The following RASAL2 variants were observed in gnomAD, a reference collection of about 807,000 sequenced individuals.
RASAL2 encodes the protein ras GTPase-activating protein nGAP.
Under a neutral mutation model 128.9 loss-of-function variants are expected in RASAL2, and 58 were observed. That is an observed-to-expected ratio of 0.45 (90% CI 0.36 to 0.56). RASAL2 has a LOEUF of 0.56. RASAL2 is among the 20% of genes least tolerant of loss of function. The pLI is 0.00. For synonymous variants in RASAL2, 561 were observed against 580.8 expected (o/e 0.97, Z 0.49); for missense variants, 1,360 against 1,601.6 (o/e 0.85, Z 2.57).
At chr1:178,431,667 C>T (rs761229847) in intron 5 of RASAL2, among the ~76,000 whole-genome samples, 2 of 151,784 alleles carry the variant, frequency 1.3e-5, no homozygotes, top group East Asian at 3.9e-4. Context: ...AAAAAGGAAA[C>T]TTAGATGGTC....
chr1:178,452,213 G>A (rs1010717967), intron 10 of RASAL2, among the ~76,000 whole-genome samples: 4 of 152,054 alleles, frequency 2.6e-5, no homozygotes, highest in Non-Finnish European at 5.9e-5. Flanking sequence ...CTGTAGCCTT[G>A]GGTTTCCAGT....
At chr1:178,171,045 T>C (rs1369977496) in intron 1 of RASAL2, among the ~76,000 whole-genome samples, 1 of 151,958 alleles carries the variant, frequency 6.6e-6, no homozygotes, top group Non-Finnish European at 1.5e-5. Flanking sequence ...CTTAAGTTAA[T>C]TAATAATTAT....
chr1:178,104,695 A>G (rs990182173), intron 1 of RASAL2, among the ~76,000 whole-genome samples: 1 of 152,182 alleles, frequency 6.6e-6, no homozygotes, highest in Non-Finnish European at 1.5e-5. Flanking sequence ...TTTTACATAA[A>G]TTTTATATAA....
At chr1:178,369,033 A>G (rs541893288) in intron 3 of RASAL2, among the ~76,000 whole-genome samples, 3 of 152,244 alleles carry the variant, frequency 2.0e-5, no homozygotes, top group South Asian at 2.1e-4. Flanking sequence ...GTAAGTTTCA[A>G]TGTTTTATTT....
rs76052350 is a variant in RASAL2, at chr1:178,205,752, G to A, written c.203-77812G>A. Reference sequence around the variant, plus strand: ...AGCCTGGGCGACAGAGCGAGACTCCGTCTAACAAAAAAAAAAGACTCATGT... The same window carrying A: ...AGCCTGGGCGACAGAGCGAGACTCCATCTAACAAAAAAAAAAGACTCATGT... On this transcript the variant is annotated intron_variant, in intron 1 of 17. Transcript: ENST00000367649. Among the ~76,000 whole-genome samples the A allele has an allele frequency of 5.6e-3, 846 of 151,710 alleles. 11 individuals are homozygous for A. Among genetic ancestry groups the A allele is most frequent in the African/African-American group, 0.019 (789 of 41,366 alleles).
intron 17 of RASAL2, among the ~76,000 whole-genome samples, chr1:178,468,354 C>G (rs760043868): frequency 6.6e-6 from 1 of 152,138 alleles, no homozygotes; most frequent in Non-Finnish European, 1.5e-5. Context: ...AAAATGAGAG[C>G]AAGGATTTTA....
chr1:178,353,554 C>T (rs1557923777), intron 3 of RASAL2, among the ~76,000 whole-genome samples: 1 of 152,162 alleles, frequency 6.6e-6, no homozygotes, highest in Non-Finnish European at 1.5e-5. Flanking sequence ...CAAATTTTCC[C>T]TCATCTTCCT....
At chr1:178,294,225 C>T (rs1357433294) in intron 2 of RASAL2, among the ~76,000 whole-genome samples, 1 of 152,106 alleles carries the variant, frequency 6.6e-6, no homozygotes, top group Non-Finnish European at 1.5e-5. Context: ...AAGGCTTATG[C>T]AGAAGCCCTG....
rs1553250958 is a variant in RASAL2 at position 178,110,637 on chromosome 1, C to CATATATATATATATATATATATAT, written c.202+15959_202+15960insATATATATATATATATATATATAT. Among the ~76,000 whole-genome samples, 10 of 15,640 alleles carry CATATATATATATATATATATATAT rather than the reference C, an allele frequency of 6.4e-4. No individual in the cohort carries two copies. In the South Asian group the frequency reaches 8.7e-3, roughly 14 times the overall value. 10.3% of individuals were successfully genotyped at this position (15,640 alleles called of 152,430 possible). Reference sequence around the variant, plus strand: ...CTATATACACTATATATAGTGTATACATATATATATATATATGTATGTATA... The same window carrying CATATATATATATATATATATATAT: ...CTATATACACTATATATAGTGTATACATATATATATATATATATATATATATATATATATATATATGTATGTATA... On this transcript the variant is annotated intron_variant, in intron 1 of 17. Transcript: ENST00000367649.
At chr1:178,320,048 C>T (rs1223585888) in intron 3 of RASAL2, among the ~76,000 whole-genome samples, 12 of 151,970 alleles carry the variant, frequency 7.9e-5, no homozygotes, top group African/African-American at 2.4e-4. Context: ...TTGGAATACC[C>T]TGCCATGTGA....
chr1:178,282,744 A>T (rs1179683988), intron 1 of RASAL2, among the ~76,000 whole-genome samples: 2 of 152,186 alleles, frequency 1.3e-5, no homozygotes, highest in African/African-American at 4.8e-5. Context: ...TTAGTTCCTC[A>T]TGCCTGAAGA....
chr1:178,149,656 T>C (rs1486245498), intron 1 of RASAL2, among the ~76,000 whole-genome samples: 1 of 152,072 alleles, frequency 6.6e-6, no homozygotes, highest in African/African-American at 2.4e-5. Flanking sequence ...TATTCTTTCT[T>C]CTTTGTATGA....
At chr1:178,324,848 A>G (rs1668960562) in intron 3 of RASAL2, among the ~76,000 whole-genome samples, 2 of 152,112 alleles carry the variant, frequency 1.3e-5, no homozygotes, top group South Asian at 2.1e-4. Flanking sequence ...GTTTAATTTT[A>G]TGTGCGAAAC....
At chr1:178,438,964 T>G (rs1676447994) in intron 5 of RASAL2, among the ~76,000 whole-genome samples, 1 of 146,528 alleles carries the variant, frequency 6.8e-6, no homozygotes, top group African/African-American at 2.5e-5. Context: ...AAAATGAAGA[T>G]TCAGCCACTA....
intron 4 of RASAL2, among the ~76,000 whole-genome samples, chr1:178,405,150 A>G (rs1170123580): frequency 6.6e-6 from 1 of 152,216 alleles, no homozygotes; most frequent in Non-Finnish European, 1.5e-5. Context: ...GGATTTGGCA[A>G]GATTACATAT....
chr1:178,167,759 T>C (rs989551449), intron 1 of RASAL2, among the ~76,000 whole-genome samples: 32 of 152,086 alleles, frequency 2.1e-4, no homozygotes, highest in African/African-American at 7.7e-4. Flanking sequence ...CTATGCTACA[T>C]GGTTTGCCTG....
At chr1:178,291,872 G>A (rs1571793649) in intron 2 of RASAL2, among the ~76,000 whole-genome samples, 2 of 151,578 alleles carry the variant, frequency 1.3e-5, no homozygotes, top group South Asian at 2.1e-4. Context: ...CTGTCTCTAC[G>A]AAAAATACAA....
intron 3 of RASAL2, chr1:178,372,144 A>G: frequency 1.0e-6 from 1 of 984,152 alleles, no homozygotes; most frequent in African/African-American, 1.7e-5. Context: ...CAGCAATTTA[A>G]GTGTTGGACC....
chr1:178,472,958 C>T, intron 17 of RASAL2, 117 bp from the exon 18 acceptor site: 4 of 1,205,948 alleles, frequency 3.3e-6, no homozygotes, highest in Non-Finnish European at 3.5e-6. Context: ...TTCCATTTGT[C>T]TGGGAAGCAC....
Sources: allele counts gnomAD v4.1 joint callset (sites outside exome capture counted in the v4.1 genomes callset), GRCh38; gene constraint gnomAD v4.1.1; transcripts MANE v1.5; gene names NCBI Gene and HGNC (gene_info 2026-07-23, HGNC 2026-07-21).